Variants in SHROOM3 observed in about 807,000 individuals in gnomAD.
The protein encoded by SHROOM3 is shroom family member 3.
A neutral mutation model predicts 138.6 loss-of-function variants in SHROOM3; 47 were observed. The observed-to-expected ratio is 0.34, with a 90% confidence interval of 0.27 to 0.43. The LOEUF (loss-of-function observed/expected upper bound fraction) is 0.43. SHROOM3 is among the 20% of genes least tolerant of loss of function. SHROOM3 has a pLI of 1.00. For synonymous variants in SHROOM3, 1,062 were observed against 1,063.3 expected (o/e 1.00, Z 0.02); for missense variants, 2,491 against 2,596.5 (o/e 0.96, Z 0.88).
intron 2 of SHROOM3, among the ~76,000 whole-genome samples, chr4:76,672,108 A>G (rs1326466020): frequency 6.6e-6 from 1 of 151,994 alleles, no homozygotes; most frequent in Non-Finnish European, 1.5e-5. Context: ...GGAGCTTTAT[A>G]TACAATTTCC....
At chr4:76,512,230 A>G (rs1440078602) in intron 1 of SHROOM3, among the ~76,000 whole-genome samples, 1 of 152,226 alleles carries the variant, frequency 6.6e-6, no homozygotes, top group Non-Finnish European at 1.5e-5. Context: ...AATGGTTCTG[A>G]TAGATGCCAC....
chr4:76,456,826 A>T (rs1026727581), intron 1 of SHROOM3, among the ~76,000 whole-genome samples: 1 of 152,138 alleles, frequency 6.6e-6, no homozygotes, highest in African/African-American at 2.4e-5. Flanking sequence ...AGGGTGGTGG[A>T]TTATCATTAG....
At chr4:76,589,514 G>A (rs914708464) in intron 2 of SHROOM3, among the ~76,000 whole-genome samples, 2 of 151,934 alleles carry the variant, frequency 1.3e-5, no homozygotes, top group Non-Finnish European at 2.9e-5. Flanking sequence ...AGTCACTGAA[G>A]GAGGACTTTG....
Position 76,740,336 on chromosome 4 carries a change from C to T in SHROOM3, c.2163C>T (p.Ser721=). 6.2e-7 allele frequency: 1 copy of T among 1,613,100 alleles called. No individual in the cohort carries two copies. The highest frequency in any genetic ancestry group is 8.5e-7 in the Non-Finnish European group (1 of 1,180,026). The stretch of plus-strand genomic sequence containing the variant: ...GGAGCCATCTGGACCGGCAGGTTTC[C>T]TACCCGCGGCCCGAGGGGAGGACCG... The part of the protein sequence containing the change: ...DLGSHLDRQV[S]YPRPEGRTGA... The change falls in exon 5 of 11, where the codon TCC becomes TCT. Residue 721 remains serine, a synonymous_variant. Coordinates refer to ENST00000296043, the MANE Select transcript of SHROOM3 (RefSeq NM_020859.4). This position sits in a 1 kb window ranked among gnomAD's most constrained non-coding sequence, Gnocchi z 4.0.
chr4:76,759,409 G>A, intron 8 of SHROOM3, 136 bp from the exon 9 acceptor site: 1 of 1,190,260 alleles, frequency 8.4e-7, no homozygotes, highest in Non-Finnish European at 1.2e-6. Flanking sequence ...TTAGTTAACA[G>A]TTACTAGTTT....
chr4:76,495,779 T>C (rs904730276), intron 1 of SHROOM3, among the ~76,000 whole-genome samples: 1 of 152,188 alleles, frequency 6.6e-6, no homozygotes, highest in African/African-American at 2.4e-5. Context: ...GTGTCTGATA[T>C]CAACTTAGGT....
chr4:76,555,818 C>T, intron 2 of SHROOM3, 55 bp downstream of exon 2: 1 of 1,582,164 alleles, frequency 6.3e-7, no homozygotes, highest in East Asian at 2.3e-5. Flanking sequence ...ACCTCTCTCC[C>T]TACCCTACCC....
intron 1 of SHROOM3, among the ~76,000 whole-genome samples, chr4:76,535,944 A>G (rs895204238): frequency 1.3e-5 from 2 of 152,236 alleles, no homozygotes; most frequent in African/African-American, 2.4e-5. Flanking sequence ...TGCGGAGCTG[A>G]TAATTGAAAG....
At chr4:76,480,430 A>G (rs1731583062) in intron 1 of SHROOM3, among the ~76,000 whole-genome samples, 1 of 152,256 alleles carries the variant, frequency 6.6e-6, no homozygotes. Context: ...TGCAACAAGA[A>G]GAGCTAACTA....
intron 1 of SHROOM3, among the ~76,000 whole-genome samples, chr4:76,530,648 T>A (rs937063620): frequency 2.0e-5 from 3 of 152,202 alleles, no homozygotes; most frequent in African/African-American, 7.2e-5. Context: ...AGATGAAAAG[T>A]ATAACTTGGA....
chr4:76,741,744 G>A lies in SHROOM3; in HGVS notation c.3571G>A (p.Gly1191Arg), dbSNP rs772361218. 30 of 1,562,294 alleles carry A rather than the reference G, an allele frequency of 1.9e-5. No individual in the cohort carries two copies. The highest frequency in any genetic ancestry group is 2.4e-5 in the South Asian group (2 of 84,928). The change falls in exon 5 of 11, where the codon GGA becomes AGA. Residue 1191 changes from glycine (G) to arginine (R), a missense_variant. Gly to Arg is a moderately radical substitution (Grantham distance 125, BLOSUM62 -2). This residue lies in a region of SHROOM3 where 1,733 missense variants were observed against 1,661.6 expected (regional missense o/e 1.04). Coordinates refer to ENST00000296043, the MANE Select transcript of SHROOM3 (RefSeq NM_020859.4). The surrounding 1 kb of genome is among the most constrained non-coding windows in gnomAD (Gnocchi z 6.2). ...GERRRGDLLS[G>R]ANGGTRGTQR... Reference sequence around the variant, plus strand: ...ACGGCGACGCGGGGACCTGCTTAGCGGAGCAAACGGTGGAACAAGGGGCAC... The same window carrying A: ...ACGGCGACGCGGGGACCTGCTTAGCAGAGCAAACGGTGGAACAAGGGGCAC...
intron 1 of SHROOM3, among the ~76,000 whole-genome samples, chr4:76,498,919 G>C (rs2109998046): frequency 6.6e-6 from 1 of 152,218 alleles, no homozygotes; most frequent in South Asian, 2.1e-4. Flanking sequence ...CTGCCTCTTG[G>C]ATTTGTGCGA....
chr4:76,678,930 G>A lies in SHROOM3; in HGVS notation c.324-31226G>A, dbSNP rs534969146. On this transcript the variant is annotated intron_variant, in intron 2 of 10. Transcript: ENST00000296043. ...GCCTGCCTCGGCCTCCCAAAGTGCT[G>A]GGATTACAGGCATGAGCCACCCCAC... is the stretch of plus-strand genomic sequence containing the variant. Among the ~76,000 whole-genome samples, 303 of 152,304 alleles carry A rather than the reference G, an allele frequency of 2.0e-3. 1 individual carries two copies. Among genetic ancestry groups the A allele is most frequent in the African/African-American group, 7.1e-3 (294 of 41,558 alleles).
intron 3 of SHROOM3, among the ~76,000 whole-genome samples, chr4:76,729,002 T>C (rs1192866783): frequency 6.6e-6 from 1 of 152,206 alleles, no homozygotes; most frequent in Non-Finnish European, 1.5e-5. Context: ...TCTGAAGGCT[T>C]GTCTCCCTAC....
At chr4:76,656,851 T>A (rs561407564) in intron 2 of SHROOM3, among the ~76,000 whole-genome samples, 1 of 152,060 alleles carries the variant, frequency 6.6e-6, no homozygotes, top group Non-Finnish European at 1.5e-5. Context: ...ATCAAACAAG[T>A]TCCTGGCAGA....
Position 76,780,680 on chromosome 4 carries a change from A to G in SHROOM3, c.*1503A>G, listed in dbSNP as rs765730774. The G allele has an allele frequency of 3.3e-5, 5 of 152,222 alleles. No individual in the cohort carries two copies. Among genetic ancestry groups the G allele is most frequent in the Non-Finnish European group, 7.3e-5 (5 of 68,048 alleles). 9.4% of individuals were successfully genotyped at this position (152,222 alleles called of 1,614,324 possible). ...TAGAGATGTCTTTTGATTAACTTATAAACAACTGGCCACCCAGAAGTTTCC... is the reference window on the plus strand; with the variant it reads ...TAGAGATGTCTTTTGATTAACTTATGAACAACTGGCCACCCAGAAGTTTCC... On this transcript the variant is annotated 3_prime_UTR_variant, in exon 11 of 11. Transcript: ENST00000296043.
intron 2 of SHROOM3, among the ~76,000 whole-genome samples, chr4:76,679,373 C>T (rs1023624882): frequency 2.0e-5 from 3 of 152,100 alleles, no homozygotes; most frequent in Non-Finnish European, 4.4e-5. Context: ...TTCCCTGGCT[C>T]TTTTTCCCCA....
intron 1 of SHROOM3, among the ~76,000 whole-genome samples, chr4:76,530,944 T>C (rs1308425085): frequency 1.3e-5 from 2 of 152,188 alleles, no homozygotes; most frequent in Non-Finnish European, 2.9e-5. Context: ...CCAAGGACTG[T>C]ACTTGCTTTC....
intron 3 of SHROOM3, among the ~76,000 whole-genome samples, chr4:76,729,464 A>T (rs1720809866): frequency 6.6e-6 from 1 of 152,204 alleles, no homozygotes; most frequent in African/African-American, 2.4e-5. Context: ...TTCACACAAG[A>T]ACATTTTCCT....
Sources: allele counts gnomAD v4.1 joint callset (sites outside exome capture counted in the v4.1 genomes callset), GRCh38; gene constraint gnomAD v4.1.1; regional missense constraint gnomAD v4.1.1; non-coding constraint Gnocchi (gnomAD v3.1); transcripts MANE v1.5; gene names NCBI Gene and HGNC (gene_info 2026-07-23, HGNC 2026-07-21).